The following UBE2E1 variants were observed in gnomAD, a reference collection of about 807,000 sequenced individuals.
UBE2E1 encodes the protein ubiquitin conjugating enzyme E2 E1.
A neutral mutation model predicts 21.4 loss-of-function variants in UBE2E1; 6 were observed. That is an observed-to-expected ratio of 0.28 (90% confidence interval 0.15 to 0.55). UBE2E1 has a LOEUF of 0.55. Among genes scored for constraint, UBE2E1 ranks in the 20% least tolerant of loss-of-function variants. The pLI, the probability that UBE2E1 is intolerant of heterozygous loss-of-function variation, is 0.93. For synonymous variants in UBE2E1, 87 were observed against 82.7 expected (o/e 1.05, Z -0.28); for missense variants, 142 against 236.5 (o/e 0.60, Z 2.62).
intron 3 of UBE2E1, among the ~76,000 whole-genome samples, chr3:23,818,016 T>C (rs945034733): frequency 2.0e-5 from 3 of 152,074 alleles, no homozygotes; most frequent in Admixed American, 2.0e-4. Context: ...GTAGTTAAGG[T>C]GGAAGGTCAA....
Position 23,810,467 on chromosome 3 carries a change from G to A in UBE2E1, c.153-993G>A. ...CAGTCTATCCCCAGTGTGAGCTAGA[G>A]AGCGGACCATGAAGGAAGTGGGCAG... On this transcript the variant is annotated intron_variant, in intron 2 of 5. Coordinates refer to ENST00000306627, the MANE Select transcript of UBE2E1 (RefSeq NM_003341.5). The surrounding 1 kb of genome is among the most constrained non-coding windows in gnomAD (Gnocchi z 5.8). The A allele has an allele frequency of 6.5e-7, 1 of 1,535,864 alleles. No homozygotes were observed. Among genetic ancestry groups the A allele is most frequent in the Non-Finnish European group, 8.7e-7 (1 of 1,146,718 alleles).
intron 3 of UBE2E1, among the ~76,000 whole-genome samples, chr3:23,880,718 GGAAA>G (rs1701018648): frequency 6.6e-6 from 1 of 152,170 alleles, no homozygotes; most frequent in African/African-American, 2.4e-5. Context: ...ATGGGAATGG[GGAAA>G]GACTCACAAA....
At chr3:23,888,909 T>C (rs1313056370) in intron 4 of UBE2E1, among the ~76,000 whole-genome samples, 3 of 152,218 alleles carry the variant, frequency 2.0e-5, no homozygotes, top group Non-Finnish European at 4.4e-5. Flanking sequence ...GAACTTACCG[T>C]CAGTGGACAT....
intron 3 of UBE2E1, among the ~76,000 whole-genome samples, chr3:23,872,992 GGGCA>G (rs1329873826): frequency 6.6e-6 from 1 of 152,046 alleles, no homozygotes; most frequent in Non-Finnish European, 1.5e-5. Context: ...ACTCCAGCCT[GGGCA>G]ACAGAGCGAG....
At chr3:23,826,656 A>G (rs913125074) in intron 3 of UBE2E1, among the ~76,000 whole-genome samples, 3 of 152,184 alleles carry the variant, frequency 2.0e-5, no homozygotes, top group Non-Finnish European at 4.4e-5. Context: ...TGATATGACT[A>G]TGGAGGGAGA....
chr3:23,871,818 G>A (rs1302541043), intron 3 of UBE2E1, among the ~76,000 whole-genome samples: 5 of 150,988 alleles, frequency 3.3e-5, no homozygotes, highest in African/African-American at 1.2e-4. Flanking sequence ...ATGGGATGGC[G>A]GCCGGGAAGA....
chr3:23,875,825 T>C (rs34963628), intron 3 of UBE2E1, among the ~76,000 whole-genome samples: 56,375 of 152,124 alleles, frequency 0.37, 11,087 homozygotes, highest in Middle Eastern at 0.53. Flanking sequence ...CAGGCTGGAG[T>C]GCAGTGGCGT....
At chr3:23,864,530 TTTG>T (rs1322121149) in intron 3 of UBE2E1, among the ~76,000 whole-genome samples, 1 of 152,216 alleles carries the variant, frequency 6.6e-6, no homozygotes, top group South Asian at 2.1e-4. Context: ...TTTGAAATCT[TTTG>T]TTTGCTTGCT....
intron 3 of UBE2E1, among the ~76,000 whole-genome samples, chr3:23,844,177 A>G (rs1163444008): frequency 6.6e-6 from 1 of 152,016 alleles, no homozygotes; most frequent in Non-Finnish European, 1.5e-5. Flanking sequence ...TCCCCCAGTA[A>G]AGGTTGATTC....
intron 3 of UBE2E1, among the ~76,000 whole-genome samples, chr3:23,840,775 G>C (rs546061330): frequency 6.6e-6 from 1 of 152,090 alleles, no homozygotes; most frequent in Non-Finnish European, 1.5e-5. Context: ...ACAGATCTCC[G>C]GAGTTCTGTC....
In UBE2E1 at chr3:23,878,641, A is replaced by G. The variant is rs116592207; in HGVS notation, c.204-8926A>G. 2.3e-3 allele frequency among the ~76,000 whole-genome samples: 352 copies of G among 152,312 alleles called. 1 individual carries two copies. The highest frequency in any genetic ancestry group is 8.1e-3 in the African/African-American group (337 of 41,572). On this transcript the variant is annotated intron_variant, in intron 3 of 5. Transcript: ENST00000306627. Reference sequence around the variant, plus strand: ...AGATCAGCAATGGCATTAGGTTCTCATAGGCACACGCAAACCCTATTGTGA... The same window carrying G: ...AGATCAGCAATGGCATTAGGTTCTCGTAGGCACACGCAAACCCTATTGTGA...
At chr3:23,830,248 A>G (rs1005844950) in intron 3 of UBE2E1, among the ~76,000 whole-genome samples, 1 of 152,152 alleles carries the variant, frequency 6.6e-6, no homozygotes, top group Non-Finnish European at 1.5e-5. Flanking sequence ...TCCCCTGACA[A>G]GAGCATGGAG....
intron 3 of UBE2E1, among the ~76,000 whole-genome samples, chr3:23,813,456 C>T (rs951037231): frequency 1.3e-5 from 2 of 151,952 alleles, no homozygotes; most frequent in Non-Finnish European, 2.9e-5. Flanking sequence ...TTCGGTTTTA[C>T]GTTTTGTGCT....
intron 3 of UBE2E1, among the ~76,000 whole-genome samples, chr3:23,840,323 A>G (rs184675050): frequency 2.6e-4 from 40 of 152,318 alleles, no homozygotes; most frequent in African/African-American, 9.6e-4. Context: ...AAGCCCCTGC[A>G]CATGCGTGAT....
At chr3:23,886,456 T>A (rs1488210572) in intron 3 of UBE2E1, among the ~76,000 whole-genome samples, 1 of 152,196 alleles carries the variant, frequency 6.6e-6, no homozygotes, top group Non-Finnish European at 1.5e-5. Flanking sequence ...CGGTTGCCCA[T>A]ATTTTCTCCC....
chr3:23,884,518 C>T (rs1701131485), intron 3 of UBE2E1, among the ~76,000 whole-genome samples: 1 of 152,144 alleles, frequency 6.6e-6, no homozygotes, highest in Admixed American at 6.6e-5. Context: ...TATTTTGATG[C>T]ACAGTGAAAT....
chr3:23,822,713 G>A (rs981643514), intron 3 of UBE2E1, among the ~76,000 whole-genome samples: 6 of 152,144 alleles, frequency 3.9e-5, no homozygotes, highest in Non-Finnish European at 7.3e-5. Flanking sequence ...GATTTGCATC[G>A]ACCTTTTGTA....
chr3:23,811,630 A>G (rs1699395612), intron 3 of UBE2E1, 120 bp downstream of exon 3: 2 of 884,436 alleles, frequency 2.3e-6, no homozygotes, highest in Admixed American at 2.4e-5. Flanking sequence ...TGGCACTAAC[A>G]TCACGTAACA....
chr3:23,818,509 T>C (rs1699574983), intron 3 of UBE2E1, among the ~76,000 whole-genome samples: 1 of 152,152 alleles, frequency 6.6e-6, no homozygotes, highest in African/African-American at 2.4e-5. Flanking sequence ...CAGGAGATGT[T>C]AAAAGAATGA....
Sources: allele counts gnomAD v4.1 joint callset (sites outside exome capture counted in the v4.1 genomes callset), GRCh38; gene constraint gnomAD v4.1.1; non-coding constraint Gnocchi (gnomAD v3.1); transcripts MANE v1.5; gene names NCBI Gene and HGNC (gene_info 2026-07-23, HGNC 2026-07-21).